Variants in PGBD2 observed in about 807,000 individuals in gnomAD.
PGBD2 encodes the protein piggyBac transposable element-derived protein 2.
PGBD2 carries 6 observed loss-of-function variants against 8.1 expected under a neutral mutation model. The ratio of observed to expected loss-of-function variants is 0.74; its 90% CI spans 0.40 to 1.46. The LOEUF is 1.46. Among genes scored for constraint, PGBD2 ranks in the 40% most tolerant of loss-of-function variants. The probability of loss-of-function intolerance (pLI) is 0.02; values close to 1 mark genes in which losing one functional copy is unlikely to be tolerated. For synonymous variants in PGBD2, 318 were observed against 272.2 expected (o/e 1.17, Z -1.66); for missense variants, 802 against 739.0 (o/e 1.09, Z -0.99).
At chr1:248,912,173 C>T (rs1661916337) in intron 1 of PGBD2, among the ~76,000 whole-genome samples, 1 of 152,088 alleles carries the variant, frequency 6.6e-6, no homozygotes, top group African/African-American at 2.4e-5. Context: ...TGCAAATCCC[C>T]CTACTCCTAT....
chr1:248,892,243 TTCCCTCCCTCCC>T, the PGBD2 span, among the ~76,000 whole-genome samples: 273 of 100,016 alleles, frequency 2.7e-3, 3 homozygotes, highest in Non-Finnish European at 3.3e-3. Flanking sequence ...TGTTCCTTCC[TTCCCTCCCTCCC>T]TCCCTCCCTC....
At chr1:248,900,763 A>G in the PGBD2 span, among the ~76,000 whole-genome samples, 3 of 152,196 alleles carry the variant, frequency 2.0e-5, no homozygotes, top group Non-Finnish European at 4.4e-5. Context: ...AAGAGAAAGA[A>G]AGAAAGGTTA....
chr1:248,874,378 AG>A, the PGBD2 span, among the ~76,000 whole-genome samples: 1 of 152,194 alleles, frequency 6.6e-6, no homozygotes, highest in Non-Finnish European at 1.5e-5. Context: ...TCCCAGAGTC[AG>A]CTATGACTTG....
chr1:248,926,788 G>A, the PGBD2 span, among the ~76,000 whole-genome samples: 1 of 151,920 alleles, frequency 6.6e-6, no homozygotes, highest in African/African-American at 2.4e-5. Context: ...AATATCCTAT[G>A]TTCCAAAAGC....
chr1:248,879,743 A>G, the PGBD2 span, among the ~76,000 whole-genome samples: 70 of 152,160 alleles, frequency 4.6e-4, 1 homozygote, highest in African/African-American at 1.7e-3. Context: ...TAAATATCTT[A>G]ATTCTGTTTG....
chr1:248,916,182 G>A (rs781711527), intron 2 of PGBD2, among the ~76,000 whole-genome samples: 7 of 152,184 alleles, frequency 4.6e-5, no homozygotes, highest in Non-Finnish European at 8.8e-5. Context: ...GGGAGGCTGA[G>A]GCAGGTGGAT....
At chr1:248,891,018 C>T in the PGBD2 span, among the ~76,000 whole-genome samples, 2 of 152,096 alleles carry the variant, frequency 1.3e-5, no homozygotes, top group Non-Finnish European at 2.9e-5. Flanking sequence ...CACACACCCA[C>T]AATATACACG....
intron 1 of PGBD2, chr1:248,912,565 G>C (rs112396042): frequency 3.3e-5 from 5 of 152,218 alleles, no homozygotes; most frequent in African/African-American, 1.2e-4. Context: ...GGTTTCTAAT[G>C]TCTTTACTCC....
chr1:248,876,934 G>A, the PGBD2 span, among the ~76,000 whole-genome samples: 1 of 152,182 alleles, frequency 6.6e-6, no homozygotes, highest in Admixed American at 6.5e-5. Flanking sequence ...CATTTTGTAT[G>A]TGATTGTAAA....
chr1:248,925,640 C>T, the PGBD2 span, among the ~76,000 whole-genome samples: 63 of 151,574 alleles, frequency 4.2e-4, no homozygotes, highest in African/African-American at 1.4e-3. Context: ...AAGTGCTCCC[C>T]TGAAGTCATC....
chr1:248,874,134 A>C, the PGBD2 span, among the ~76,000 whole-genome samples: 1 of 152,210 alleles, frequency 6.6e-6, no homozygotes, highest in Non-Finnish European at 1.5e-5. Context: ...GGAGGGAAGC[A>C]GTCTGCATAT....
chr1:248,889,852 G>A, the PGBD2 span, among the ~76,000 whole-genome samples: 5,247 of 151,968 alleles, frequency 0.035, 295 homozygotes, highest in African/African-American at 0.12. Context: ...CTCCCAGATA[G>A]GCAAAACAAA....
chr1:248,875,146 A>C, the PGBD2 span, among the ~76,000 whole-genome samples: 2 of 151,890 alleles, frequency 1.3e-5, no homozygotes, highest in Non-Finnish European at 2.9e-5. Flanking sequence ...AAATACAAAA[A>C]TTAGCTGAGC....
At chr1:248,877,589 G>A in the PGBD2 span, among the ~76,000 whole-genome samples, 7 of 152,152 alleles carry the variant, frequency 4.6e-5, no homozygotes, top group Admixed American at 6.5e-5. Context: ...ATGGGAGGGG[G>A]AGAAGAAGAA....
At chr1:248,874,403 G>A in the PGBD2 span, among the ~76,000 whole-genome samples, 1 of 152,092 alleles carries the variant, frequency 6.6e-6, no homozygotes, top group Non-Finnish European at 1.5e-5. Flanking sequence ...TCTAAACAAA[G>A]GGCAAAACGC....
At chr1:248,926,077 C>G in the PGBD2 span, among the ~76,000 whole-genome samples, 1 of 151,988 alleles carries the variant, frequency 6.6e-6, no homozygotes, top group Non-Finnish European at 1.5e-5. Flanking sequence ...GGGCCTCCAC[C>G]TTGCTTTTTG....
At chr1:248,874,969 G>GAT in the PGBD2 span, among the ~76,000 whole-genome samples, 1 of 151,806 alleles carries the variant, frequency 6.6e-6, no homozygotes, top group African/African-American at 2.4e-5. Flanking sequence ...CAAATAGATA[G>GAT]AGATAGGTAT....
the PGBD2 span, among the ~76,000 whole-genome samples, chr1:248,892,285 TCCTTCCTTCCTTC>T: frequency 8.2e-6 from 1 of 122,456 alleles, no homozygotes; most frequent in Admixed American, 8.2e-5. Flanking sequence ...CTTCCTTCCT[TCCTTCCTTCCTTC>T]CCTTCCTTCC....
chr1:248,875,334 GA>G, the PGBD2 span, among the ~76,000 whole-genome samples: 5 of 134,772 alleles, frequency 3.7e-5, no homozygotes, highest in African/African-American at 1.4e-4. Flanking sequence ...AAAAAGAAAA[GA>G]AAAAAAGAAA....
Sources: allele counts gnomAD v4.1 joint callset (sites outside exome capture counted in the v4.1 genomes callset), GRCh38; gene constraint gnomAD v4.1.1; transcripts MANE v1.5; gene names NCBI Gene and HGNC (gene_info 2026-07-23, HGNC 2026-07-21).